ZSWIM5: variants seen among roughly 807,000 people sequenced by gnomAD.
ZSWIM5 encodes zinc finger SWIM domain-containing protein 5.
ZSWIM5 carries 55 observed loss-of-function variants against 119.6 expected under a neutral mutation model. The observed-to-expected ratio is 0.46, with a 90% CI of 0.37 to 0.58. The LOEUF is 0.58. Among genes scored for constraint, ZSWIM5 ranks in the 20% least tolerant of loss-of-function variants. The pLI is 0.00. For synonymous variants in ZSWIM5, 537 were observed against 606.9 expected, an observed-to-expected ratio of 0.88 and a Z score of 1.69; for missense variants, 1,193 against 1,512.8, an observed-to-expected ratio of 0.79 and a Z score of 3.51.
rs910404709 is a variant in ZSWIM5 at position 45,087,999 on chromosome 1, G to T, written c.834C>A (p.Asp278Glu). The change falls in exon 2 of 14, where the codon GAC (aspartate) becomes GAA (glutamate). Residue 278 changes from aspartate (D) to glutamate (E), a missense_variant. Transcript: ENST00000359600. ...AATATTGAATAAACTTTTGTAGCTG[G>T]TCCCTATTCATCTGGAAAAGGGTTT... ...ISETLFQMNR[D>E]QLQKFIQYLI... 1.9e-6 allele frequency: 3 copies of T among 1,614,134 alleles called. No homozygotes were observed. Among genetic ancestry groups the T allele is most frequent in the Non-Finnish European group, 2.5e-6 (3 of 1,180,004 alleles).
chr1:45,048,756 A>G (rs1007620481), intron 5 of ZSWIM5, among the ~76,000 whole-genome samples: 2 of 152,140 alleles, frequency 1.3e-5, no homozygotes, highest in African/African-American at 4.8e-5. Context: ...GACTACTGGA[A>G]AAGAGGAGAT....
chr1:45,061,101 T>A (rs1314460223), intron 2 of ZSWIM5, among the ~76,000 whole-genome samples: 1 of 152,150 alleles, frequency 6.6e-6, no homozygotes, highest in Non-Finnish European at 1.5e-5. Flanking sequence ...ACTTAAAACA[T>A]AGTTATAGTT....
At chr1:45,070,340 G>A in intron 2 of ZSWIM5, 1 of 1,410,946 alleles carries the variant, frequency 7.1e-7, no homozygotes, top group African/African-American at 1.4e-5. Flanking sequence ...ACACAGTCAT[G>A]GCCAACGGCA....
At chr1:45,051,369 T>C (rs1303489058) in intron 4 of ZSWIM5, 116 bp from the exon 5 acceptor site, 4 of 1,142,712 alleles carry the variant, frequency 3.5e-6, no homozygotes, top group South Asian at 1.8e-5. Flanking sequence ...TTATCTTTTC[T>C]TAATATAAAA....
chr1:45,134,837 T>C (rs1645679628), intron 1 of ZSWIM5, among the ~76,000 whole-genome samples: 1 of 152,230 alleles, frequency 6.6e-6, no homozygotes, highest in Non-Finnish European at 1.5e-5. Context: ...ATACAATATT[T>C]GTCAATTAGT....
chr1:45,136,094 C>A (rs932627584), intron 1 of ZSWIM5, among the ~76,000 whole-genome samples: 1 of 152,072 alleles, frequency 6.6e-6, no homozygotes, highest in African/African-American at 2.4e-5. Flanking sequence ...CTCCTGAGCT[C>A]AAGGGATCCA....
chr1:45,085,724 C>T (rs148942587), intron 2 of ZSWIM5, among the ~76,000 whole-genome samples: 1,904 of 152,218 alleles, frequency 0.013, 12 homozygotes, highest in Middle Eastern at 0.027. Context: ...CCAAAAAGCA[C>T]CCCATCTTCA....
chr1:45,107,972 T>C (rs1406697261), intron 1 of ZSWIM5, among the ~76,000 whole-genome samples: 1 of 152,064 alleles, frequency 6.6e-6, no homozygotes, highest in African/African-American at 2.4e-5. Context: ...AATGTTTTAT[T>C]TTTTGTAGAG....
At chr1:45,137,799 T>C (rs1408831957) in intron 1 of ZSWIM5, among the ~76,000 whole-genome samples, 6 of 152,154 alleles carry the variant, frequency 3.9e-5, no homozygotes, top group African/African-American at 1.4e-4. Context: ...TTGTAAACTA[T>C]TGTATGGAAT....
rs1644862594 is a variant in ZSWIM5 at position 45,017,568 on chromosome 1, T to G, written c.*886A>C. On this transcript the variant is annotated 3_prime_UTR_variant, in exon 14 of 14. Coordinates refer to ENST00000359600, the MANE Select transcript of ZSWIM5 (RefSeq NM_020883.2). ...TATCTATGTACATACACACATGTAC[T>G]TAGCCATAAAGATACACACACACAA... 6.6e-6 allele frequency: 1 copy of G among 152,198 alleles called. No individual in the cohort carries two copies. Among genetic ancestry groups the G allele is most frequent in the African/African-American group, 2.4e-5 (1 of 41,446 alleles). The allele number at this position is 152,198 out of a possible 1,614,324, so 9.4% of individuals were successfully genotyped here.
chr1:45,175,272 C>A (rs1403692376), intron 1 of ZSWIM5, among the ~76,000 whole-genome samples: 7 of 152,056 alleles, frequency 4.6e-5, no homozygotes, highest in Non-Finnish European at 7.4e-5. Context: ...TATCAAATGG[C>A]ACACAATTTT....
intron 1 of ZSWIM5, among the ~76,000 whole-genome samples, chr1:45,121,104 C>T (rs930429957): frequency 6.6e-6 from 1 of 152,128 alleles, no homozygotes; most frequent in African/African-American, 2.4e-5. Context: ...CGCCCGCCAC[C>T]TTGCCCAGTT....
chr1:45,191,746 C>G (rs554873767), intron 1 of ZSWIM5, among the ~76,000 whole-genome samples: 1 of 152,170 alleles, frequency 6.6e-6, no homozygotes, highest in Non-Finnish European at 1.5e-5. Flanking sequence ...TCTCCAAACA[C>G]GGCACTTAGG....
chr1:45,188,786 C>T (rs142558603), intron 1 of ZSWIM5, among the ~76,000 whole-genome samples: 3 of 152,296 alleles, frequency 2.0e-5, no homozygotes, highest in African/African-American at 4.8e-5. Context: ...GCAAGGCTAA[C>T]CTGTTTTGAT....
chr1:45,168,664 C>CAAAAAAAAAA (rs1024002696), intron 1 of ZSWIM5, among the ~76,000 whole-genome samples: 1 of 39,224 alleles, frequency 2.5e-5, no homozygotes, highest in African/African-American at 8.9e-5. Flanking sequence ...GACTCCATCT[C>CAAAAAAAAAA]AAAAAAAAAA....
intron 1 of ZSWIM5, among the ~76,000 whole-genome samples, chr1:45,177,080 G>T (rs1207669282): frequency 6.6e-6 from 1 of 152,194 alleles, no homozygotes; most frequent in African/African-American, 2.4e-5. Context: ...AAGGATTCAG[G>T]AACTAGAGAG....
chr1:45,052,603 C>T (rs1220323666), intron 4 of ZSWIM5, among the ~76,000 whole-genome samples: 3 of 151,960 alleles, frequency 2.0e-5, no homozygotes, highest in Non-Finnish European at 4.4e-5. Flanking sequence ...AACCCTGTCT[C>T]TCCCAAAAAT....
intron 5 of ZSWIM5, among the ~76,000 whole-genome samples, chr1:45,044,189 CA>C (rs779975167): frequency 2.1e-4 from 15 of 71,624 alleles, no homozygotes; most frequent in African/African-American, 5.3e-4. Context: ...AATCCCATCT[CA>C]AAAAAAAAAA....
chr1:45,152,325 A>G (rs971485860), intron 1 of ZSWIM5, among the ~76,000 whole-genome samples: 1 of 152,222 alleles, frequency 6.6e-6, no homozygotes, highest in Non-Finnish European at 1.5e-5. Flanking sequence ...TCCTGGCAAG[A>G]GACGATGGTA....
Sources: gnomAD v4.1 joint callset for allele counts (sites outside exome capture counted in the v4.1 genomes callset) on GRCh38, gnomAD v4.1.1 for gene constraint, MANE v1.5 for transcripts, NCBI Gene and HGNC (gene_info 2026-07-23, HGNC 2026-07-21) for gene names.